DNAJC1: variants seen among roughly 807,000 people sequenced by gnomAD.
DNAJC1 encodes DnaJ heat shock protein family (Hsp40) member C1.
DNAJC1 carries 58 observed loss-of-function variants against 76.6 expected under a neutral mutation model. That is an observed-to-expected ratio of 0.76 (90% CI 0.61 to 0.94). The LOEUF (loss-of-function observed/expected upper bound fraction) is 0.94. Ranked by LOEUF, DNAJC1 falls within the 40% of genes least tolerant of loss-of-function variation. The probability of loss-of-function intolerance (pLI) is 0.00; values close to 1 mark genes in which losing one functional copy is unlikely to be tolerated. For missense variants in DNAJC1, 689 were observed against 677.3 expected, an observed-to-expected ratio of 1.02 and a Z score of -0.19; for synonymous variants, 258 against 267.9, an observed-to-expected ratio of 0.96 and a Z score of 0.36.
chr10:21,921,071 A>ATTTTG, intron 3 of DNAJC1, 108 bp from the exon 4 acceptor site: 2 of 977,578 alleles, frequency 2.0e-6, no homozygotes, highest in Non-Finnish European at 2.9e-6. Flanking sequence ...TATCCAAAAT[A>ATTTTG]GATAATGTTT....
At chr10:21,991,847 T>G (rs1838330526) in intron 1 of DNAJC1, among the ~76,000 whole-genome samples, 1 of 152,220 alleles carries the variant, frequency 6.6e-6, no homozygotes, top group South Asian at 2.1e-4. Context: ...TTATAACGAT[T>G]TGGGTACGTG....
intron 9 of DNAJC1, among the ~76,000 whole-genome samples, chr10:21,805,580 TC>T (rs1834873827): frequency 6.6e-6 from 1 of 151,948 alleles, no homozygotes. Context: ...ATTTAATTAA[TC>T]AGAACCACCT....
intron 8 of DNAJC1, among the ~76,000 whole-genome samples, chr10:21,841,776 C>A (rs193287661): frequency 6.6e-6 from 1 of 152,036 alleles, no homozygotes; most frequent in Non-Finnish European, 1.5e-5. Context: ...GGATTATAAA[C>A]CATGCTGCTA....
intron 9 of DNAJC1, among the ~76,000 whole-genome samples, chr10:21,800,857 T>C (rs953367779): frequency 1.3e-5 from 2 of 151,672 alleles, no homozygotes; most frequent in Admixed American, 1.3e-4. Context: ...ATGTTTTCTT[T>C]TTGCTATGAA....
At chr10:21,879,343 G>C (rs1250273145) in intron 8 of DNAJC1, among the ~76,000 whole-genome samples, 1 of 152,128 alleles carries the variant, frequency 6.6e-6, no homozygotes, top group Non-Finnish European at 1.5e-5. Context: ...TTGTTTATAA[G>C]CCAGGCGCGT....
chr10:21,898,585 T>C (rs986089084), intron 7 of DNAJC1, among the ~76,000 whole-genome samples: 5 of 150,788 alleles, frequency 3.3e-5, no homozygotes, highest in Non-Finnish European at 5.9e-5. Flanking sequence ...AGAGTCTTGC[T>C]CTTGTTGCCC....
intron 8 of DNAJC1, among the ~76,000 whole-genome samples, chr10:21,876,110 C>T (rs954658797): frequency 2.0e-4 from 30 of 151,384 alleles, no homozygotes; most frequent in African/African-American, 6.1e-4. Flanking sequence ...ATTGAAAAAA[C>T]GTTAATTTTT....
chr10:21,832,845 ATTT>A (rs1423840788), intron 8 of DNAJC1, among the ~76,000 whole-genome samples: 2 of 152,160 alleles, frequency 1.3e-5, no homozygotes, highest in African/African-American at 4.8e-5. Context: ...AAGATCTATG[ATTT>A]GGCTGCGACC....
At chr10:21,813,034 C>CAT (rs1372296548) in intron 8 of DNAJC1, among the ~76,000 whole-genome samples, 2 of 143,054 alleles carry the variant, frequency 1.4e-5, no homozygotes, top group Admixed American at 1.4e-4. Flanking sequence ...CATACACACA[C>CAT]ACACACACAC....
chr10:21,992,834 T>A (rs1009342789), intron 1 of DNAJC1, among the ~76,000 whole-genome samples: 4 of 152,250 alleles, frequency 2.6e-5, no homozygotes, highest in Admixed American at 2.6e-4. Context: ...ATCCTCTTCA[T>A]ACAGTGGATC....
At chr10:21,820,859 T>C (rs898183540) in intron 8 of DNAJC1, among the ~76,000 whole-genome samples, 5 of 152,126 alleles carry the variant, frequency 3.3e-5, no homozygotes, top group African/African-American at 1.2e-4. Context: ...ACGTTTAGAG[T>C]GAGGGATGGG....
At chr10:21,824,242 C>A (rs969285524) in intron 8 of DNAJC1, among the ~76,000 whole-genome samples, 3 of 152,166 alleles carry the variant, frequency 2.0e-5, no homozygotes, top group Admixed American at 6.5e-5. Flanking sequence ...ATAACAGTAG[C>A]AGTATTAAGA....
chr10:21,790,977 A>G (rs1039961901), intron 9 of DNAJC1, among the ~76,000 whole-genome samples: 2 of 152,216 alleles, frequency 1.3e-5, no homozygotes, highest in African/African-American at 4.8e-5. Context: ...TATGCTACGT[A>G]TAAGAAATTC....
intron 6 of DNAJC1, among the ~76,000 whole-genome samples, chr10:21,906,150 G>T (rs1446243791): frequency 6.6e-6 from 1 of 152,038 alleles, no homozygotes; most frequent in African/African-American, 2.4e-5. Context: ...TATAGTAAAA[G>T]ATCTCTTAAT....
At chr10:21,837,345 G>A (rs1350177863) in intron 8 of DNAJC1, among the ~76,000 whole-genome samples, 1 of 152,150 alleles carries the variant, frequency 6.6e-6, no homozygotes, top group African/African-American at 2.4e-5. Flanking sequence ...CGTCTGAGAA[G>A]TGAGAAGCGT....
chr10:21,951,864 A>G (rs1248464058), intron 1 of DNAJC1, among the ~76,000 whole-genome samples: 1 of 152,222 alleles, frequency 6.6e-6, no homozygotes, highest in Non-Finnish European at 1.5e-5. Flanking sequence ...TATTAATAAA[A>G]GAATGCTTGA....
chr10:21,924,825 T>C (rs1461974728), intron 3 of DNAJC1, among the ~76,000 whole-genome samples: 1 of 152,228 alleles, frequency 6.6e-6, no homozygotes, highest in African/African-American at 2.4e-5. Context: ...ATGTAGGCTA[T>C]ATGGTAGCCT....
intron 10 of DNAJC1, among the ~76,000 whole-genome samples, chr10:21,761,549 TAAAAAA>T (rs369792978): frequency 7.6e-6 from 1 of 131,480 alleles, no homozygotes; most frequent in Non-Finnish European, 1.6e-5. Context: ...AGACTCCGTC[TAAAAAA>T]AAAAAAAAAA....
chr10:21,905,115 T>G (rs1276630534), intron 6 of DNAJC1, among the ~76,000 whole-genome samples: 1 of 152,024 alleles, frequency 6.6e-6, no homozygotes, highest in Non-Finnish European at 1.5e-5. Flanking sequence ...TTACCACCCT[T>G]AGAGACGAGT....
Sources: gnomAD v4.1 joint callset for allele counts (sites outside exome capture counted in the v4.1 genomes callset) on GRCh38, gnomAD v4.1.1 for gene constraint, MANE v1.5 for transcripts, NCBI Gene and HGNC (gene_info 2026-07-23, HGNC 2026-07-21) for gene names.